Variants in TMEM108 observed in about 807,000 individuals in gnomAD.
TMEM108 encodes the protein cancer/testis antigen 124.
TMEM108 carries 12 observed loss-of-function variants against 35.1 expected under a neutral mutation model. The ratio of observed to expected loss-of-function variants is 0.34; its 90% CI spans 0.22 to 0.55. The LOEUF (loss-of-function observed/expected upper bound fraction) is 0.55. Ranked by LOEUF, TMEM108 falls within the 20% of genes least tolerant of loss-of-function variation. TMEM108 has a pLI of 0.89. For synonymous variants in TMEM108, 287 were observed against 308.6 expected, an observed-to-expected ratio of 0.93 and a Z score of 0.73; for missense variants, 680 against 753.3, an observed-to-expected ratio of 0.90 and a Z score of 1.14.
chr3:133,158,145 T>A (rs1479061643), intron 2 of TMEM108, among the ~76,000 whole-genome samples: 1 of 152,120 alleles, frequency 6.6e-6, no homozygotes, highest in Non-Finnish European at 1.5e-5. Flanking sequence ...CCCTCCATAT[T>A]TATCTCTGTG....
At chr3:133,073,812 C>G (rs746267104) in intron 2 of TMEM108, among the ~76,000 whole-genome samples, 3 of 151,916 alleles carry the variant, frequency 2.0e-5, no homozygotes, top group Non-Finnish European at 4.4e-5. Flanking sequence ...CACATCCTTA[C>G]CAACACTTAT....
At chr3:133,386,302 ATTGTTT>A (rs2073147964) in intron 4 of TMEM108, 9 of 1,121,984 alleles carry the variant, frequency 8.0e-6, no homozygotes, top group South Asian at 1.4e-5. Flanking sequence ...TATTCATCTT[ATTGTTT>A]TTAAGATTTG....
At chr3:133,371,812 A>C (rs1429200012) in intron 3 of TMEM108, among the ~76,000 whole-genome samples, 2 of 152,158 alleles carry the variant, frequency 1.3e-5, no homozygotes, top group Non-Finnish European at 2.9e-5. Context: ...TCTTCAGCGA[A>C]TATGTCTTGT....
At chr3:133,137,860 C>T (rs1944587071) in intron 2 of TMEM108, among the ~76,000 whole-genome samples, 1 of 152,102 alleles carries the variant, frequency 6.6e-6, no homozygotes, top group Non-Finnish European at 1.5e-5. Context: ...AAAGTGGCTT[C>T]CTGCATTCTA....
At chr3:133,372,533 A>C (rs1279722941) in intron 3 of TMEM108, among the ~76,000 whole-genome samples, 1 of 152,180 alleles carries the variant, frequency 6.6e-6, no homozygotes, top group African/African-American at 2.4e-5. Context: ...GCACAAGGTG[A>C]ATTCATGTTG....
intron 2 of TMEM108, among the ~76,000 whole-genome samples, chr3:133,165,145 A>G (rs1233961400): frequency 2.0e-5 from 3 of 152,186 alleles, no homozygotes; most frequent in East Asian, 3.8e-4. Flanking sequence ...AAACATCTCT[A>G]TTTACATGGT....
intron 2 of TMEM108, among the ~76,000 whole-genome samples, chr3:133,217,856 A>T (rs951251748): frequency 7.2e-5 from 11 of 152,060 alleles, no homozygotes; most frequent in African/African-American, 2.7e-4. Context: ...AGGTAGTGTG[A>T]TGCCTCCATA....
chr3:133,236,691 G>C lies in TMEM108; in HGVS notation c.40+7340G>C, dbSNP rs1428603703. ...TTTTCAACTCTAACCATTCCTTCTT[G>C]CCTACCAGCTACCCAGTGACTATTC... On this transcript the variant is annotated intron_variant, in intron 3 of 5. Coordinates refer to ENST00000321871, the MANE Select transcript of TMEM108 (RefSeq NM_023943.4). Among the ~76,000 whole-genome samples the C allele has an allele frequency of 2.0e-5, 3 of 152,140 alleles. No homozygotes were observed. In the East Asian group the frequency reaches 5.8e-4, roughly 29 times the overall value.
In TMEM108 at chr3:133,357,509, GAGATA is replaced by G. The variant is rs1163222345; in HGVS notation, c.41-22242_41-22238del. Among the ~76,000 whole-genome samples the G allele has an allele frequency of 2.0e-5, 3 of 152,122 alleles. No homozygotes were observed. In the East Asian group the frequency reaches 5.8e-4, roughly 29 times the overall value. On this transcript the variant is annotated intron_variant, in intron 3 of 5. Coordinates refer to ENST00000321871, the MANE Select transcript of TMEM108 (RefSeq NM_023943.4). ...TATAGCAGCACAATTCACAATTACA[GAGATA>G]TGAAACCAACCTAAGTGCCCACCAA...
intron 3 of TMEM108, chr3:133,257,171 G>A (rs1946559848): frequency 6.6e-6 from 1 of 152,188 alleles, no homozygotes; most frequent in African/African-American, 2.4e-5. Context: ...CAGTGCCTGT[G>A]TTATATAACA....
intron 2 of TMEM108, among the ~76,000 whole-genome samples, chr3:133,061,072 ATTGT>A (rs1182572362): frequency 1.3e-5 from 2 of 152,168 alleles, no homozygotes; most frequent in African/African-American, 2.4e-5. Flanking sequence ...TTTACATAAA[ATTGT>A]TTGTAAATGT....
chr3:133,067,173 G>C (rs1213793403), intron 2 of TMEM108, among the ~76,000 whole-genome samples: 2 of 152,032 alleles, frequency 1.3e-5, no homozygotes, highest in Non-Finnish European at 2.9e-5. Flanking sequence ...TGTGTCATGG[G>C]GATAATCAGC....
chr3:133,374,220 ACT>A (rs2072764303), intron 3 of TMEM108, among the ~76,000 whole-genome samples: 1 of 151,544 alleles, frequency 6.6e-6, no homozygotes, highest in Admixed American at 6.6e-5. Context: ...GGGGAAACAG[ACT>A]CTACCTCTTG....
intron 3 of TMEM108, among the ~76,000 whole-genome samples, chr3:133,286,100 A>T (rs1946981141): frequency 6.6e-6 from 1 of 152,182 alleles, no homozygotes; most frequent in South Asian, 2.1e-4. Context: ...TTTTCCGTAA[A>T]TGTGCGTTGA....
intron 3 of TMEM108, among the ~76,000 whole-genome samples, chr3:133,261,899 T>C (rs866193374): frequency 6.6e-6 from 1 of 152,212 alleles, no homozygotes; most frequent in African/African-American, 2.4e-5. Flanking sequence ...AACCATGAGT[T>C]TGTGGTTCAG....
In TMEM108 at chr3:133,346,536, G is replaced by A. The variant is rs568178094; in HGVS notation, c.41-33216G>A. 6.6e-6 allele frequency among the ~76,000 whole-genome samples: 1 copy of A among 152,064 alleles called. No individual in the cohort carries two copies. Among genetic ancestry groups the A allele is most frequent in the South Asian group, 2.1e-4 (1 of 4,816 alleles). The stretch of plus-strand genomic sequence containing the variant: ...TTTTCTTATATTAAATTTTAAGAGA[G>A]ATTTGTATATTTTGGATTCAAGTCC... On this transcript the variant is annotated intron_variant, in intron 3 of 5. Coordinates refer to ENST00000321871, the MANE Select transcript of TMEM108 (RefSeq NM_023943.4). This position sits in a 1 kb window ranked among gnomAD's most constrained non-coding sequence, Gnocchi z 4.0.
At chr3:133,093,501 A>G (rs1184989582) in intron 2 of TMEM108, among the ~76,000 whole-genome samples, 1 of 152,156 alleles carries the variant, frequency 6.6e-6, no homozygotes, top group Non-Finnish European at 1.5e-5. Flanking sequence ...CATCTTTGTT[A>G]TGTATATGGT....
intron 2 of TMEM108, among the ~76,000 whole-genome samples, chr3:133,102,953 G>T (rs117619377): frequency 6.6e-6 from 1 of 152,174 alleles, no homozygotes; most frequent in African/African-American, 2.4e-5. Flanking sequence ...TGCTGGCAAG[G>T]TTGTGGAGAA....
intron 2 of TMEM108, among the ~76,000 whole-genome samples, chr3:133,064,804 A>G (rs1221185826): frequency 1.3e-5 from 2 of 152,164 alleles, no homozygotes; most frequent in East Asian, 3.9e-4. Context: ...TAATGGTTTC[A>G]CTGGTGTCCC....
Sources: gnomAD v4.1 joint callset for allele counts (sites outside exome capture counted in the v4.1 genomes callset) on GRCh38, gnomAD v4.1.1 for gene constraint, Gnocchi (gnomAD v3.1) non-coding constraint, MANE v1.5 for transcripts, NCBI Gene and HGNC (gene_info 2026-07-23, HGNC 2026-07-21) for gene names.